The following NDST1 variants were observed in gnomAD, a reference collection of about 807,000 sequenced individuals.
NDST1 encodes the protein bifunctional heparan sulfate N-deacetylase/N-sulfotransferase 1.
In NDST1, 35 loss-of-function variants were observed where a neutral mutation model predicts 92.8. The observed-to-expected ratio is 0.38, with a 90% CI of 0.29 to 0.50. NDST1 has a LOEUF of 0.50. Among genes scored for constraint, NDST1 ranks in the 20% least tolerant of loss-of-function variants. NDST1 has a pLI of 0.94. For missense variants in NDST1, 822 were observed against 1,182.7 expected, an observed-to-expected ratio of 0.69 and a Z score of 4.47; for synonymous variants, 493 against 500.3, an observed-to-expected ratio of 0.99 and a Z score of 0.19.
At chr5:150,536,565 T>C (rs1449322315) in intron 6 of NDST1, among the ~76,000 whole-genome samples, 1 of 152,100 alleles carries the variant, frequency 6.6e-6, no homozygotes. Flanking sequence ...TCCCTTTTTT[T>C]TTCTTTCTTT....
At chr5:150,539,499 C>G in intron 7 of NDST1, 143 bp downstream of exon 7, 1 of 1,564,266 alleles carries the variant, frequency 6.4e-7, no homozygotes, top group Non-Finnish European at 8.6e-7. Context: ...CTCTCCAGCA[C>G]TGGCCCTGCC....
At chr5:150,528,323 G>A in intron 3 of NDST1, 25 bp downstream of exon 3, 1 of 1,562,044 alleles carries the variant, frequency 6.4e-7, no homozygotes, top group South Asian at 1.2e-5. Flanking sequence ...GCTAGACCGG[G>A]CAAGGCAGGT....
At chr5:150,510,192 T>C (rs1050731969) in intron 1 of NDST1, among the ~76,000 whole-genome samples, 1 of 152,068 alleles carries the variant, frequency 6.6e-6, no homozygotes, top group African/African-American at 2.4e-5. Flanking sequence ...TCTTTCAGGG[T>C]GTTAGGATTG....
intron 4 of NDST1, among the ~76,000 whole-genome samples, chr5:150,534,384 G>T (rs1754889038): frequency 6.6e-6 from 1 of 152,184 alleles, no homozygotes; most frequent in Non-Finnish European, 1.5e-5. Context: ...GGTTTCAAGT[G>T]TGAACCACTG....
At chr5:150,520,386 G>A (rs1754192013) in intron 1 of NDST1, among the ~76,000 whole-genome samples, 2 of 151,930 alleles carry the variant, frequency 1.3e-5, no homozygotes, top group East Asian at 1.9e-4. Flanking sequence ...GGGGCTGCTG[G>A]GCTCATTCAA....
At chr5:150,516,976 A>AGTGT (rs56170880) in intron 1 of NDST1, among the ~76,000 whole-genome samples, 16,562 of 143,562 alleles carry the variant, frequency 0.12, 1,011 homozygotes, top group Middle Eastern at 0.14. Flanking sequence ...GACATTTTCT[A>AGTGT]GTGTGTGTGT....
intron 1 of NDST1, among the ~76,000 whole-genome samples, chr5:150,498,709 A>T (rs970298105): frequency 2.0e-5 from 3 of 152,142 alleles, no homozygotes; most frequent in African/African-American, 7.2e-5. Context: ...AGCTGTCGTT[A>T]GCTGACCTGT....
Position 150,521,441 on chromosome 5 carries a change from G to C in NDST1, c.187G>C (p.Ala63Pro). Reference protein sequence around the residue: ...EPDCGDPPPVAPSRLLPLKPV... With the variant: ...EPDCGDPPPVPPSRLLPLKPV... ...TGACTGCGGGGACCCGCCGCCTGTG[G>C]CCCCCAGTCGCCTGCTGCCACTCAA... The change falls in exon 2 of 15, where the codon GCC becomes CCC. Residue 63 changes from alanine (A) to proline (P), a missense_variant. Ala to Pro is a conservative substitution (Grantham distance 27). Coordinates refer to ENST00000261797, the MANE Select transcript of NDST1 (RefSeq NM_001543.5). The surrounding 1 kb of genome is among the most constrained non-coding windows in gnomAD (Gnocchi z 5.9). 6.2e-7 allele frequency: 1 copy of C among 1,613,214 alleles called. No homozygotes were observed. The highest frequency in any genetic ancestry group is 8.5e-7 in the Non-Finnish European group (1 of 1,179,874).
At position 150,553,839 on chromosome 5, in the gene NDST1, G is replaced by A. The variant is rs761227587; in HGVS notation, c.*507G>A. On this transcript the variant is annotated 3_prime_UTR_variant, in exon 15 of 15. Transcript: ENST00000261797. The surrounding 1 kb of genome is among the most constrained non-coding windows in gnomAD (Gnocchi z 4.2). ...GGGTCCCCGGAGTCAGTCCTAGGCT[G>A]GATGGGAGGGTGGCCCCCTCAAGAG... 7 of 433,136 alleles carry A rather than the reference G, an allele frequency of 1.6e-5. No homozygotes were observed. The highest frequency in any genetic ancestry group is 2.9e-5 in the Non-Finnish European group (7 of 244,342). The allele number at this position is 433,136 out of a possible 1,614,324, so 26.8% of individuals were successfully genotyped here. A position where few individuals can be genotyped will look rare whatever the true frequency, so the allele number is the denominator to read the frequency against.
At position 150,558,046 on chromosome 5, in the gene NDST1, T is replaced by C. The variant is rs1755910165; in HGVS notation, c.*4714T>C. On this transcript the variant is annotated 3_prime_UTR_variant, in exon 15 of 15. Coordinates refer to ENST00000261797, the MANE Select transcript of NDST1 (RefSeq NM_001543.5). ...GCACACTGGGGAAGCAGGCAGAGGT[T>C]TCCTTCCCTTGTAGGGGGGTGGGGA... 1 of 138,370 alleles carries C rather than the reference T, an allele frequency of 7.2e-6. No homozygotes were observed. The highest frequency in any genetic ancestry group is 1.6e-5 in the Non-Finnish European group (1 of 63,466). The allele number at this position is 138,370 out of a possible 1,614,324, so 8.6% of individuals were successfully genotyped here.
Position 150,553,357 on chromosome 5 carries a change from A to G in NDST1, c.*25A>G, listed in dbSNP as rs771539372. On this transcript the variant is annotated 3_prime_UTR_variant, in exon 15 of 15. Transcript: ENST00000261797. The surrounding 1 kb of genome is among the most constrained non-coding windows in gnomAD (Gnocchi z 4.2). Reference sequence around the variant, plus strand: ...GCCGTGGCCACCACAGCCAGACTGAACGTTTGTGAAAGCTGGGACATCCCA... The same window carrying G: ...GCCGTGGCCACCACAGCCAGACTGAGCGTTTGTGAAAGCTGGGACATCCCA... The G allele has an allele frequency of 6.2e-7, 1 of 1,610,140 alleles. No homozygotes were observed. Among genetic ancestry groups the G allele is most frequent in the Non-Finnish European group, 8.5e-7 (1 of 1,177,306 alleles).
intron 1 of NDST1, among the ~76,000 whole-genome samples, chr5:150,515,711 G>A (rs934219873): frequency 6.6e-6 from 1 of 152,236 alleles, no homozygotes; most frequent in Non-Finnish European, 1.5e-5. Flanking sequence ...AGGCCCAGCA[G>A]GCCCAGGGTG....
Position 150,544,436 on chromosome 5 carries a change from C to T in NDST1, c.1971-876C>T, listed in dbSNP as rs932124520. On this transcript the variant is annotated intron_variant, in intron 10 of 14. Coordinates refer to ENST00000261797, the MANE Select transcript of NDST1 (RefSeq NM_001543.5). ...GAAAATTCAGAAAGATGAGAGAAGA[C>T]GTAATTCCTTGGCCCAATTCCCAAG... Among the ~76,000 whole-genome samples the T allele has an allele frequency of 5.3e-5, 8 of 152,290 alleles. No individual in the cohort carries two copies. The East Asian group carries it at 9.6e-4, about 18-fold the overall frequency.
At chr5:150,519,357 C>A (rs1207016358) in intron 1 of NDST1, among the ~76,000 whole-genome samples, 4 of 152,090 alleles carry the variant, frequency 2.6e-5, no homozygotes, top group Non-Finnish European at 4.4e-5. Context: ...GGCTCTTACA[C>A]CTTCCATCTA....
rs941473390 is a variant in NDST1, at chr5:150,521,186, C to T, written c.-69C>T. 1.4e-6 allele frequency: 2 copies of T among 1,424,840 alleles called. No individual in the cohort carries two copies. Among genetic ancestry groups the T allele is most frequent in the Middle Eastern group, 1.9e-4 (1 of 5,324 alleles). The allele number at this position is 1,424,840 out of a possible 1,614,324, so 88.3% of individuals were successfully genotyped here. A position where few individuals can be genotyped will look rare whatever the true frequency, so the allele number is the denominator to read the frequency against. On this transcript the variant is annotated 5_prime_UTR_variant, in exon 2 of 15. Coordinates refer to ENST00000261797, the MANE Select transcript of NDST1 (RefSeq NM_001543.5). This position sits in a 1 kb window ranked among gnomAD's most constrained non-coding sequence, Gnocchi z 5.9. Reference sequence around the variant, plus strand: ...GGTCAGTGGACGATTCTCGTGTCTCCTCCTGTGTGGGGCCTTGGGGTAGCC... The same window carrying T: ...GGTCAGTGGACGATTCTCGTGTCTCTTCCTGTGTGGGGCCTTGGGGTAGCC...
intron 10 of NDST1, among the ~76,000 whole-genome samples, chr5:150,543,991 G>T (rs956861205): frequency 6.6e-6 from 1 of 152,174 alleles, no homozygotes; most frequent in Non-Finnish European, 1.5e-5. Context: ...TGTTGGTCAG[G>T]CTGGTCTTGA....
chr5:150,549,204 A>T (rs1755619329), intron 12 of NDST1, among the ~76,000 whole-genome samples: 1 of 151,364 alleles, frequency 6.6e-6, no homozygotes, highest in Admixed American at 6.6e-5. Context: ...TAGAGACGGG[A>T]TTTCACCATG....
chr5:150,518,088 C>T (rs1182301444), intron 1 of NDST1, among the ~76,000 whole-genome samples: 1 of 152,228 alleles, frequency 6.6e-6, no homozygotes, highest in Non-Finnish European at 1.5e-5. Context: ...TTGCCCTGCT[C>T]TCAGCTAGAA....
At chr5:150,530,868 T>C (rs1754699165) in intron 3 of NDST1, among the ~76,000 whole-genome samples, 1 of 152,144 alleles carries the variant, frequency 6.6e-6, no homozygotes, top group South Asian at 2.1e-4. Context: ...CCCTATTTTT[T>C]CTATTTTTAA....
Sources: gnomAD v4.1 joint callset for allele counts (sites outside exome capture counted in the v4.1 genomes callset) on GRCh38, gnomAD v4.1.1 for gene constraint, Gnocchi (gnomAD v3.1) non-coding constraint, MANE v1.5 for transcripts, NCBI Gene and HGNC (gene_info 2026-07-23, HGNC 2026-07-21) for gene names.